GFI1: variants seen among roughly 807,000 people sequenced by gnomAD.
GFI1 encodes the protein growth factor independent 1 transcriptional repressor.
In GFI1, 15 loss-of-function variants were observed where a neutral mutation model predicts 39.2. That is an observed-to-expected ratio of 0.38 (90% CI 0.26 to 0.59). The LOEUF (loss-of-function observed/expected upper bound fraction) is 0.59. Ranked by LOEUF, GFI1 falls within the 20% of genes least tolerant of loss-of-function variation. The pLI is 0.62. For missense variants in GFI1, 475 were observed against 574.0 expected, an observed-to-expected ratio of 0.83 and a Z score of 1.76; for synonymous variants, 239 against 254.3, an observed-to-expected ratio of 0.94 and a Z score of 0.57.
chr1:92,478,802 C>A, intron 5 of GFI1, 49 bp from the exon 6 acceptor site: 4 of 1,037,642 alleles, frequency 3.9e-6, no homozygotes, highest in Non-Finnish European at 5.6e-6. Context: ...AGATGCAGAA[C>A]TCCTACTGCA....
rs1460989064 is a variant in GFI1 at position 92,474,216 on chromosome 1, C to T, written c.*1813G>A. The stretch of plus-strand genomic sequence containing the variant: ...GCATTAGGGGAGGCAGCTAACCAAT[C>T]TCACACTTTTTTTCCTTTCCAGTCT... On this transcript the variant is annotated 3_prime_UTR_variant, in exon 7 of 7. Transcript: ENST00000294702. Among the ~76,000 whole-genome samples the T allele has an allele frequency of 6.6e-6, 1 of 152,246 alleles. No homozygotes were observed. Among genetic ancestry groups the T allele is most frequent in the East Asian group, 1.9e-4 (1 of 5,198 alleles).
At chr1:92,478,207 T>G (rs1336197456) in intron 6 of GFI1, among the ~76,000 whole-genome samples, 1 of 152,026 alleles carries the variant, frequency 6.6e-6, no homozygotes, top group Non-Finnish European at 1.5e-5. Context: ...AAAGGCCAGG[T>G]GGTTAGGGAA....
In GFI1 at chr1:92,483,414, T is replaced by A. The variant is rs375422035; in HGVS notation, c.74A>T (p.Tyr25Phe). Residue 25 changes from tyrosine to phenylalanine, a missense_variant, in exon 2 of 7, where the codon TAT becomes TTT. Coordinates refer to ENST00000294702, the MANE Select transcript of GFI1 (RefSeq NM_005263.5). ...CGGTACATTCTCTAAACGGAGGGAATAGTCTGGTCCTGGGGAGCGCGGCTG... is the reference window on the plus strand; with the variant it reads ...CGGTACATTCTCTAAACGGAGGGAAAAGTCTGGTCCTGGGGAGCGCGGCTG... ...YHQPRSPGPD[Y>F]SLRLENVPAP... The A allele has an allele frequency of 1.3e-5, 21 of 1,613,182 alleles. No homozygotes were observed. The highest frequency in any genetic ancestry group is 1.8e-5 in the Non-Finnish European group (21 of 1,179,250).
intron 2 of GFI1, 38 bp downstream of exon 2, chr1:92,483,335 G>A (rs754873642): frequency 1.7e-6 from 2 of 1,177,584 alleles, no homozygotes; most frequent in Non-Finnish European, 1.3e-6. Context: ...GTAGGCATCC[G>A]GGGGAGCAGC....
In GFI1 at chr1:92,475,777, G is replaced by A; in HGVS notation, c.*252C>T. 1 of 539,372 alleles carries A rather than the reference G, an allele frequency of 1.9e-6. No homozygotes were observed. The highest frequency in any genetic ancestry group is 3.3e-5 in the East Asian group (1 of 30,464). The allele number at this position is 539,372 out of a possible 1,614,324, so 33.4% of individuals were successfully genotyped here. A position where few individuals can be genotyped will look rare whatever the true frequency, so the allele number is the denominator to read the frequency against. On this transcript the variant is annotated 3_prime_UTR_variant, in exon 7 of 7. Coordinates refer to ENST00000294702, the MANE Select transcript of GFI1 (RefSeq NM_005263.5). Reference sequence around the variant, plus strand: ...TGCCTTTGTCTTCAGGTGTAGAGGAGCCTATTTGTGTCCGAAGCCTAGAGA... The same window carrying A: ...TGCCTTTGTCTTCAGGTGTAGAGGAACCTATTTGTGTCCGAAGCCTAGAGA...
chr1:92,482,767 C>G lies in GFI1; in HGVS notation c.298+97G>C, dbSNP rs572170195. On this transcript the variant is annotated intron_variant, in intron 3 of 6. Transcript: ENST00000294702. This position sits in a 1 kb window ranked among gnomAD's most constrained non-coding sequence, Gnocchi z 4.4. ...TTCTCCCGGAAAGACTCTCCAACTC[C>G]CCGTTAGCATTTCTACGCCCAAGGT... 109 of 939,634 alleles carry G rather than the reference C, an allele frequency of 1.2e-4. No individual in the cohort carries two copies. The highest frequency in any genetic ancestry group is 1.7e-4 in the Non-Finnish European group (96 of 580,970). 58.2% of individuals were successfully genotyped at this position (939,634 alleles called of 1,614,324 possible).
intron 5 of GFI1, among the ~76,000 whole-genome samples, chr1:92,479,412 A>C (rs1188415200): frequency 6.6e-6 from 1 of 152,158 alleles, no homozygotes. Context: ...AGCTATTGGC[A>C]TATTTACTTG....
chr1:92,473,450 A>G lies in GFI1; in HGVS notation c.*2579T>C, dbSNP rs988182224. Among the ~76,000 whole-genome samples the G allele has an allele frequency of 3.9e-5, 6 of 152,220 alleles. No homozygotes were observed. Among genetic ancestry groups the G allele is most frequent in the African/African-American group, 1.4e-4 (6 of 41,454 alleles). On this transcript the variant is annotated 3_prime_UTR_variant, in exon 7 of 7. Transcript: ENST00000294702. ...TCATTCACTGGGAGGATTGTCTCCC[A>G]GGACACTAGGAAGTGGTTCCTGGAC...
At chr1:92,479,474 T>C (rs1658119307) in intron 5 of GFI1, among the ~76,000 whole-genome samples, 1 of 152,228 alleles carries the variant, frequency 6.6e-6, no homozygotes, top group Non-Finnish European at 1.5e-5. Flanking sequence ...GTGGGCATGC[T>C]GTCAAGGACC....
intron 5 of GFI1, among the ~76,000 whole-genome samples, chr1:92,479,606 C>G (rs1658127351): frequency 6.6e-6 from 1 of 152,110 alleles, no homozygotes; most frequent in South Asian, 2.1e-4. Flanking sequence ...AATCCCAGCA[C>G]TTTGGGAGGC....
In GFI1 at chr1:92,481,967, A is replaced by C. The variant is rs1658280437; in HGVS notation, c.299-879T>G. 6.6e-6 allele frequency among the ~76,000 whole-genome samples: 1 copy of C among 151,074 alleles called. No individual in the cohort carries two copies. The highest frequency in any genetic ancestry group is 1.5e-5 in the Non-Finnish European group (1 of 67,898). On this transcript the variant is annotated intron_variant, in intron 3 of 6. Coordinates refer to ENST00000294702, the MANE Select transcript of GFI1 (RefSeq NM_005263.5). This position sits in a 1 kb window ranked among gnomAD's most constrained non-coding sequence, Gnocchi z 4.3. ...TGTGTGTGTGTGCGCACAACACTCC[A>C]GTTCAGGCTGGCCACTTCAGTGAGA... is the stretch of plus-strand genomic sequence containing the variant.
In GFI1 at chr1:92,476,112, A is replaced by C. The variant is rs765791503; in HGVS notation, c.1186T>G (p.Phe396Val). Residue 396 changes from phenylalanine (F) to valine (V), a missense_variant, in exon 7 of 7, where the codon TTC (phenylalanine) becomes GTC (valine). This residue lies in a region of GFI1 where 112 missense variants were observed against 202.8 expected (regional missense o/e 0.55). Coordinates refer to ENST00000294702, the MANE Select transcript of GFI1 (RefSeq NM_005263.5). ...CCCTTCCCACAGAGGTCGCAGCCGA[A>C]GGGCTTGAAGCCTGTGTGTTTGCGG... ...HSRKHTGFKP[F>V]GCDLCGKGFQ... 6.2e-7 allele frequency: 1 copy of C among 1,613,960 alleles called. No individual in the cohort carries two copies. The highest frequency in any genetic ancestry group is 8.5e-7 in the Non-Finnish European group (1 of 1,180,008).
Position 92,479,402 on chromosome 1 carries a change from A to G in GFI1, c.925-649T>C, listed in dbSNP as rs559731590. Among the ~76,000 whole-genome samples, 85 of 152,322 alleles carry G rather than the reference A, an allele frequency of 5.6e-4. 1 individual carries two copies. The highest frequency in any genetic ancestry group is 3.3e-3 in the South Asian group (16 of 4,820). On this transcript the variant is annotated intron_variant, in intron 5 of 6. Transcript: ENST00000294702. ...TCGTAAGTAGGCATTCTCCTGAGAT[A>G]GCTATTGGCATATTTACTTGCTCAT...
rs1241025134 is a variant in GFI1, at chr1:92,475,095, T to C, written c.*934A>G. On this transcript the variant is annotated 3_prime_UTR_variant, in exon 7 of 7. Transcript: ENST00000294702. ...GAAGGTTTACAATTCTGTGCTGTCT[T>C]CTCAGAATTCCCTCCAAGAGTAAGA... 1 of 152,240 alleles carries C rather than the reference T, an allele frequency of 6.6e-6. No individual in the cohort carries two copies. 9.4% of individuals were successfully genotyped at this position (152,240 alleles called of 1,614,324 possible).
intron 6 of GFI1, 121 bp from the exon 7 acceptor site, chr1:92,476,328 A>G: frequency 1.1e-6 from 1 of 884,688 alleles, no homozygotes; most frequent in South Asian, 1.5e-5. Flanking sequence ...GCCTTCAAGC[A>G]ACTTGGAGGG....
At position 92,481,952 on chromosome 1, in the gene GFI1, T is replaced by TGTGTGCGCGCGCGCGC. The variant is rs200635146; in HGVS notation, c.299-865_299-864insGCGCGCGCGCGCACAC. 1.3e-5 allele frequency among the ~76,000 whole-genome samples: 2 copies of TGTGTGCGCGCGCGCGC among 148,802 alleles called. No homozygotes were observed. Among genetic ancestry groups the TGTGTGCGCGCGCGCGC allele is most frequent in the African/African-American group, 5.0e-5 (2 of 40,072 alleles). ...ATTTACAAATGTGTGTGTGTGTGTG[T>TGTGTGCGCGCGCGCGC]GCGCACAACACTCCAGTTCAGGCTG... On this transcript the variant is annotated intron_variant, in intron 3 of 6. Coordinates refer to ENST00000294702, the MANE Select transcript of GFI1 (RefSeq NM_005263.5). This position sits in a 1 kb window ranked among gnomAD's most constrained non-coding sequence, Gnocchi z 4.3.
chr1:92,484,903 C>A lies in GFI1; in HGVS notation c.-99-1317G>T, dbSNP rs1212565038. Among the ~76,000 whole-genome samples, 1 of 152,224 alleles carries A rather than the reference C, an allele frequency of 6.6e-6. No individual in the cohort carries two copies. The highest frequency in any genetic ancestry group is 1.5e-5 in the Non-Finnish European group (1 of 68,026). ...CTGGGAACTCTGGGCCGGGGCAGGACCTGCAGTCCTCCGGCTTCGCGCTGT... is the reference window on the plus strand; with the variant it reads ...CTGGGAACTCTGGGCCGGGGCAGGAACTGCAGTCCTCCGGCTTCGCGCTGT... On this transcript the variant is annotated intron_variant, in intron 1 of 6. Coordinates refer to ENST00000294702, the MANE Select transcript of GFI1 (RefSeq NM_005263.5). This position sits in a 1 kb window ranked among gnomAD's most constrained non-coding sequence, Gnocchi z 4.1.
chr1:92,483,992 G>T, intron 1 of GFI1: 1 of 245,482 alleles, frequency 4.1e-6, no homozygotes, highest in South Asian at 4.9e-5. Flanking sequence ...CGGCTGGCGA[G>T]GGAGGGCGGG....
chr1:92,478,348 T>C (rs1254910501), intron 6 of GFI1, among the ~76,000 whole-genome samples: 1 of 152,112 alleles, frequency 6.6e-6, no homozygotes, highest in African/African-American at 2.4e-5. Context: ...AAGTATAGAG[T>C]ACCTGTGAGC....
Sources: allele counts gnomAD v4.1 joint callset (sites outside exome capture counted in the v4.1 genomes callset), GRCh38; gene constraint gnomAD v4.1.1; regional missense constraint gnomAD v4.1.1; non-coding constraint Gnocchi (gnomAD v3.1); transcripts MANE v1.5; gene names NCBI Gene and HGNC (gene_info 2026-07-23, HGNC 2026-07-21).